The following GRIN2A variants were observed in gnomAD, a reference collection of about 807,000 sequenced individuals.
The protein encoded by GRIN2A is glutamate receptor ionotropic, NMDA 2A.
GRIN2A carries 22 observed loss-of-function variants against 113.4 expected under a neutral mutation model. That is an observed-to-expected ratio of 0.19 (90% confidence interval 0.14 to 0.28). GRIN2A has a LOEUF of 0.28. Ranked by LOEUF, GRIN2A falls within the 10% of genes least tolerant of loss-of-function variation. The probability of loss-of-function intolerance (pLI) is 1.00; values close to 1 mark genes in which losing one functional copy is unlikely to be tolerated. For synonymous variants in GRIN2A, 827 were observed against 738.4 expected (o/e 1.12, Z -1.94); for missense variants, 1,502 against 1,887.0 (o/e 0.80, Z 3.78).
intron 11 of GRIN2A, 133 bp from the exon 12 acceptor site, chr16:9,769,222 G>C (rs1340631908): frequency 1.4e-6 from 1 of 733,042 alleles, no homozygotes; most frequent in Non-Finnish European, 2.4e-6. Flanking sequence ...AGTTTGCTGG[G>C]TTTCCATTTG....
chr16:10,101,395 A>G (rs956017390), intron 2 of GRIN2A, among the ~76,000 whole-genome samples: 1 of 152,224 alleles, frequency 6.6e-6, no homozygotes, highest in Non-Finnish European at 1.5e-5. Context: ...AGAACCAGGT[A>G]AGTTAAGTAA....
chr16:10,028,777 T>G (rs2046870232), intron 2 of GRIN2A, among the ~76,000 whole-genome samples: 1 of 152,222 alleles, frequency 6.6e-6, no homozygotes, highest in Admixed American at 6.5e-5. Context: ...TCTCTCACAA[T>G]GGCTCAACTC....
At chr16:10,123,760 G>A (rs1448250) in intron 2 of GRIN2A, among the ~76,000 whole-genome samples, 100,644 of 151,968 alleles carry the variant, frequency 0.66, 34,670 homozygotes, top group East Asian at 0.95. Context: ...TAGGTACCTG[G>A]TGGCTGAGCT....
chr16:10,025,675 C>A (rs543848798), intron 2 of GRIN2A, among the ~76,000 whole-genome samples: 1 of 152,146 alleles, frequency 6.6e-6, no homozygotes, highest in Non-Finnish European at 1.5e-5. Flanking sequence ...GAAAATATAA[C>A]TTTTTCCCAG....
intron 4 of GRIN2A, among the ~76,000 whole-genome samples, chr16:9,861,937 A>G (rs1484241668): frequency 2.6e-5 from 4 of 152,194 alleles, no homozygotes; most frequent in African/African-American, 9.6e-5. Context: ...TGGGATTATG[A>G]AGCTTTGGCA....
intron 2 of GRIN2A, among the ~76,000 whole-genome samples, chr16:10,114,062 T>C (rs2142157476): frequency 6.6e-6 from 1 of 152,082 alleles, no homozygotes; most frequent in Non-Finnish European, 1.5e-5. Context: ...CATGGTGGTG[T>C]GTGCCTGTAG....
intron 2 of GRIN2A, among the ~76,000 whole-genome samples, chr16:10,141,128 A>T (rs534421616): frequency 1.6e-4 from 24 of 152,096 alleles, no homozygotes; most frequent in African/African-American, 5.8e-4. Context: ...CCGGAGGGTG[A>T]GGCTGGAGTG....
At position 9,763,304 on chromosome 16, in the gene GRIN2A, T is replaced by C. The variant is rs201489076; in HGVS notation, c.4240A>G (p.Arg1414Gly). ...ACATCATTGTGGCCCCGACTGTCCC[T>C]GGAACAGTACGATGCCGTTGACCTC... is the stretch of plus-strand genomic sequence containing the variant. ...SLRSTASYCS[R>G]DSRGHNDVYI... The change falls in exon 13 of 13, where the codon AGG becomes GGG. Residue 1414 changes from arginine (R) to glycine (G), a missense_variant. Around this residue, in one of 7 missense-constraint regions of GRIN2A, gnomAD observed 832 missense variants for 789.7 expected, o/e 1.05. Coordinates refer to ENST00000330684, the MANE Select transcript of GRIN2A (RefSeq NM_001134407.3). 1.9e-6 allele frequency: 3 copies of C among 1,614,082 alleles called. No individual in the cohort carries two copies. The highest frequency in any genetic ancestry group is 2.5e-6 in the Non-Finnish European group (3 of 1,179,942).
At chr16:9,853,322 G>A (rs1359242167) in intron 4 of GRIN2A, among the ~76,000 whole-genome samples, 1 of 152,178 alleles carries the variant, frequency 6.6e-6, no homozygotes, top group Non-Finnish European at 1.5e-5. Context: ...CTAATGTGGT[G>A]GTGTTAGGAG....
intron 2 of GRIN2A, among the ~76,000 whole-genome samples, chr16:9,955,927 C>A (rs973382633): frequency 6.6e-6 from 1 of 152,178 alleles, no homozygotes; most frequent in African/African-American, 2.4e-5. Context: ...TCCCCAGGGG[C>A]TTGGGCATCA....
intron 2 of GRIN2A, among the ~76,000 whole-genome samples, chr16:10,035,487 C>T (rs548711161): frequency 6.6e-6 from 1 of 152,186 alleles, no homozygotes. Context: ...AAAGCCCTTA[C>T]CTATCCCTCA....
chr16:9,760,155 T>A lies in GRIN2A; in HGVS notation c.*2994A>T, dbSNP rs1031125231. 1 of 225,698 alleles carries A rather than the reference T, an allele frequency of 4.4e-6. No homozygotes were observed. Among genetic ancestry groups the A allele is most frequent in the Admixed American group, 5.7e-5 (1 of 17,516 alleles). 14.0% of individuals were successfully genotyped at this position (225,698 alleles called of 1,614,324 possible). A position where few individuals can be genotyped will look rare whatever the true frequency, so the allele number is the denominator to read the frequency against. On this transcript the variant is annotated 3_prime_UTR_variant, in exon 13 of 13. Transcript: ENST00000330684. ...CCTTGACATCAACAAATCTAAGAAC[T>A]CAGAGCTGGGATATGTTACGGGAAT...
intron 4 of GRIN2A, among the ~76,000 whole-genome samples, chr16:9,874,407 A>G (rs2043325493): frequency 1.3e-5 from 2 of 152,316 alleles, no homozygotes; most frequent in East Asian, 1.9e-4. Flanking sequence ...GCAGATTTGC[A>G]TACATCTCAG....
chr16:10,181,137 A>G (rs1243247264), intron 1 of GRIN2A, among the ~76,000 whole-genome samples: 3 of 17,166 alleles, frequency 1.7e-4, no homozygotes, highest in African/African-American at 4.9e-4. Context: ...GGCTCGCCCC[A>G]CCTCGAGCCA....
chr16:9,918,546 A>G (rs1310368675), intron 3 of GRIN2A, among the ~76,000 whole-genome samples: 2 of 152,200 alleles, frequency 1.3e-5, no homozygotes, highest in Non-Finnish European at 2.9e-5. Flanking sequence ...AAAACCAAGG[A>G]TAAGAGGGGA....
rs116425751 is a variant in GRIN2A at position 9,983,828 on chromosome 16, G to T, written c.415-45277C>A. ...CTGTTAATTCAGTGGTTGATTCAAT[G>T]TCTTGGCCCCTGTGAATAGTGCTGC... On this transcript the variant is annotated intron_variant, in intron 2 of 12. Coordinates refer to ENST00000330684, the MANE Select transcript of GRIN2A (RefSeq NM_001134407.3). Among the ~76,000 whole-genome samples, 1,207 of 152,302 alleles carry T rather than the reference G, an allele frequency of 7.9e-3. 16 individuals are homozygous for T. Among genetic ancestry groups the T allele is most frequent in the African/African-American group, 0.028 (1,168 of 41,568 alleles).
chr16:9,988,833 C>A (rs117236706), intron 2 of GRIN2A, among the ~76,000 whole-genome samples: 2 of 152,242 alleles, frequency 1.3e-5, no homozygotes, highest in Non-Finnish European at 2.9e-5. Context: ...CATGCTCCCA[C>A]TTTTGATGGA....
intron 2 of GRIN2A, among the ~76,000 whole-genome samples, chr16:10,038,134 A>T (rs2047069175): frequency 6.6e-6 from 1 of 152,216 alleles, no homozygotes; most frequent in Non-Finnish European, 1.5e-5. Flanking sequence ...TCAAGGTGCC[A>T]GCATATTCGG....
chr16:9,892,574 T>G (rs566427537), intron 3 of GRIN2A, among the ~76,000 whole-genome samples: 88 of 152,316 alleles, frequency 5.8e-4, no homozygotes, highest in African/African-American at 1.9e-3. Flanking sequence ...TTATATAACA[T>G]GTATAAACTT....
Sources: allele counts gnomAD v4.1 joint callset (sites outside exome capture counted in the v4.1 genomes callset), GRCh38; gene constraint gnomAD v4.1.1; regional missense constraint gnomAD v4.1.1; transcripts MANE v1.5; gene names NCBI Gene and HGNC (gene_info 2026-07-23, HGNC 2026-07-21).